Variants in TSEN2 observed in about 807,000 individuals in gnomAD.
TSEN2 encodes tRNA splicing endonuclease subunit 2.
TSEN2 carries 54 observed loss-of-function variants against 59.2 expected under a neutral mutation model. That is an observed-to-expected ratio of 0.91 (90% confidence interval 0.73 to 1.14). The LOEUF (loss-of-function observed/expected upper bound fraction) is 1.14, where lower values mean the gene tolerates loss of function less well. TSEN2 is among the 50% of genes most tolerant of loss of function. The pLI is 0.00. For missense variants in TSEN2, 636 were observed against 576.2 expected, an observed-to-expected ratio of 1.10 and a Z score of -1.06; for synonymous variants, 195 against 198.2, an observed-to-expected ratio of 0.98 and a Z score of 0.14.
At chr3:12,501,326 G>A (rs1446249654) in intron 4 of TSEN2, among the ~76,000 whole-genome samples, 1 of 152,240 alleles carries the variant, frequency 6.6e-6, no homozygotes, top group Admixed American at 6.5e-5. Flanking sequence ...ACAGTTATAA[G>A]TAACAGGGCT....
At chr3:12,499,778 A>T (rs2054110312) in intron 4 of TSEN2, among the ~76,000 whole-genome samples, 1 of 152,178 alleles carries the variant, frequency 6.6e-6, no homozygotes, top group Non-Finnish European at 1.5e-5. Context: ...CACTGCCATG[A>T]GGTGGGTCCT....
At chr3:12,482,606 C>T (rs555364630), upstream of TSEN2, among the ~76,000 whole-genome samples, 1 of 151,260 alleles carries the variant, frequency 6.6e-6, no homozygotes, top group Non-Finnish European at 1.5e-5. Context: ...AATTTGAGAT[C>T]CCATTATCAG....
At chr3:12,503,185 A>G in intron 4 of TSEN2, 77 bp from the exon 5 acceptor site, 1 of 1,549,208 alleles carries the variant, frequency 6.5e-7, no homozygotes, top group Non-Finnish European at 8.9e-7. Flanking sequence ...GTCACCTTCC[A>G]GTCTGTTTTA....
intron 6 of TSEN2, among the ~76,000 whole-genome samples, chr3:12,513,848 G>A (rs1268503563): frequency 6.6e-6 from 1 of 152,260 alleles, no homozygotes; most frequent in Admixed American, 6.5e-5. Flanking sequence ...GCTGTCAACA[G>A]CTGTGAAAGA....
chr3:12,520,991 A>G (rs1419848438), intron 8 of TSEN2, among the ~76,000 whole-genome samples: 1 of 152,046 alleles, frequency 6.6e-6, no homozygotes, highest in Non-Finnish European at 1.5e-5. Flanking sequence ...CTTTGTGTTC[A>G]TAAGTTCTCT....
At chr3:12,506,839 G>T (rs2054889580) in intron 6 of TSEN2, 1 of 985,226 alleles carries the variant, frequency 1.0e-6, no homozygotes, top group South Asian at 4.7e-5. Flanking sequence ...CATACAGGTA[G>T]GTCCCAAGAA....
intron 7 of TSEN2, among the ~76,000 whole-genome samples, chr3:12,517,804 A>C (rs2056287885): frequency 6.6e-6 from 1 of 152,172 alleles, no homozygotes; most frequent in Non-Finnish European, 1.5e-5. Flanking sequence ...TACAGCTGTG[A>C]CATAAAAGCC....
chr3:12,508,200 C>T (rs1456619175), intron 6 of TSEN2, among the ~76,000 whole-genome samples: 8 of 152,194 alleles, frequency 5.3e-5, no homozygotes, highest in Non-Finnish European at 1.0e-4. Flanking sequence ...AGTTGACCAG[C>T]TGCTGTCTTT....
At chr3:12,486,328 C>G (rs2052609069) in intron 1 of TSEN2, among the ~76,000 whole-genome samples, 1 of 152,234 alleles carries the variant, frequency 6.6e-6, no homozygotes, top group Admixed American at 6.5e-5. Context: ...GCAGTCTTTT[C>G]TCCTCTGCTT....
Position 12,489,920 on chromosome 3 carries a change from C to G in TSEN2, c.120C>G (p.Phe40Leu), listed in dbSNP as rs778976615. Residue 40 changes from phenylalanine to leucine, a missense_variant, in exon 2 of 12, where the codon TTC becomes TTG. Transcript: ENST00000284995. ...DHGPLKEFKI[F>L]RAEMINNNVI... The stretch of plus-strand genomic sequence containing the variant: ...GTCCTCTGAAAGAATTCAAGATATT[C>G]CGTGCTGAAATGATTAACAACAATG... The G allele has an allele frequency of 1.2e-6, 2 of 1,614,032 alleles. No individual in the cohort carries two copies. The highest frequency in any genetic ancestry group is 4.5e-5 in the East Asian group (2 of 44,896).
At chr3:12,523,526 CTTTTTTTTTTT>C (rs546904336) in intron 8 of TSEN2, among the ~76,000 whole-genome samples, 6 of 46,480 alleles carry the variant, frequency 1.3e-4, no homozygotes, top group South Asian at 6.0e-4. Context: ...CTCTTTGATT[CTTTTTTTTTTT>C]TTTTTTTTTT....
At chr3:12,506,638 A>G (rs1014892309) in intron 6 of TSEN2, 10 of 958,754 alleles carry the variant, frequency 1.0e-5, no homozygotes, top group African/African-American at 5.3e-5. Flanking sequence ...ATATTGTCCC[A>G]GTGACCTGGA....
At chr3:12,516,007 A>G (rs1224982462) in intron 6 of TSEN2, among the ~76,000 whole-genome samples, 1 of 152,190 alleles carries the variant, frequency 6.6e-6, no homozygotes, top group Non-Finnish European at 1.5e-5. Context: ...TTTTTAGGGA[A>G]TAAATATGGA....
chr3:12,517,801 G>A (rs1015445588), intron 7 of TSEN2, among the ~76,000 whole-genome samples: 4 of 152,176 alleles, frequency 2.6e-5, no homozygotes, highest in African/African-American at 9.7e-5. Flanking sequence ...CGTTACAGCT[G>A]TGACATAAAA....
chr3:12,527,950 CTG>C (rs1450782174), intron 8 of TSEN2, among the ~76,000 whole-genome samples: 1 of 152,174 alleles, frequency 6.6e-6, no homozygotes, highest in African/African-American at 2.4e-5. Flanking sequence ...ATTCCAGAGT[CTG>C]TGTGTCAGAG....
At chr3:12,526,606 A>T (rs1398506493) in intron 8 of TSEN2, among the ~76,000 whole-genome samples, 2 of 152,250 alleles carry the variant, frequency 1.3e-5, no homozygotes, top group African/African-American at 4.8e-5. Flanking sequence ...CCTCATCATT[A>T]AGCCACACAG....
intron 1 of TSEN2, 84 bp from the exon 2 acceptor site, chr3:12,489,700 G>A: frequency 8.6e-7 from 1 of 1,167,932 alleles, no homozygotes; most frequent in Admixed American, 1.9e-5. Context: ...AGTTTTCTGA[G>A]CCTAGGTACA....
intron 6 of TSEN2, among the ~76,000 whole-genome samples, chr3:12,509,185 T>A (rs1465938343): frequency 1.4e-5 from 2 of 141,188 alleles, no homozygotes; most frequent in Non-Finnish European, 3.0e-5. Context: ...TTTGGGGGTT[T>A]TTTTTGGTTT....
intron 1 of TSEN2, among the ~76,000 whole-genome samples, chr3:12,488,544 C>T (rs1402871709): frequency 6.6e-6 from 1 of 152,202 alleles, no homozygotes; most frequent in Non-Finnish European, 1.5e-5. Flanking sequence ...ACAATATGTT[C>T]ACATTTACTT....
Sources: allele counts gnomAD v4.1 joint callset (sites outside exome capture counted in the v4.1 genomes callset), GRCh38; gene constraint gnomAD v4.1.1; transcripts MANE v1.5; gene names NCBI Gene and HGNC (gene_info 2026-07-23, HGNC 2026-07-21).